Variants in MSI2 observed in about 807,000 individuals in gnomAD.
The protein encoded by MSI2 is musashi RNA binding protein 2.
A neutral mutation model predicts 45.6 loss-of-function variants in MSI2; 17 were observed. That is an observed-to-expected ratio of 0.37 (90% confidence interval 0.26 to 0.56). MSI2 has a LOEUF of 0.56. Among genes scored for constraint, MSI2 ranks in the 20% least tolerant of loss-of-function variants. The probability of loss-of-function intolerance (pLI) is 0.77; values close to 1 mark genes in which losing one functional copy is unlikely to be tolerated. For synonymous variants in MSI2, 156 were observed against 158.2 expected, an observed-to-expected ratio of 0.99 and a Z score of 0.11; for missense variants, 293 against 444.2, an observed-to-expected ratio of 0.66 and a Z score of 3.06.
chr17:57,408,521 TGCG>T (rs1003589026), intron 6 of MSI2, among the ~76,000 whole-genome samples: 2 of 149,308 alleles, frequency 1.3e-5, no homozygotes, highest in African/African-American at 4.9e-5. Flanking sequence ...CTTTTTCTGC[TGCG>T]GCAAGGAGAG....
intron 7 of MSI2, among the ~76,000 whole-genome samples, chr17:57,554,353 A>G (rs2087381836): frequency 6.6e-6 from 1 of 152,118 alleles, no homozygotes; most frequent in Admixed American, 6.6e-5. Flanking sequence ...GTTACTTGCA[A>G]AGTCACCCTC....
At chr17:57,472,470 G>A (rs1384791312) in intron 6 of MSI2, among the ~76,000 whole-genome samples, 2 of 151,160 alleles carry the variant, frequency 1.3e-5, no homozygotes, top group African/African-American at 4.9e-5. Flanking sequence ...AGGGGGAGGG[G>A]CAATGCCTTC....
At chr17:57,301,604 T>C (rs1911426614) in intron 5 of MSI2, among the ~76,000 whole-genome samples, 1 of 152,284 alleles carries the variant, frequency 6.6e-6, no homozygotes, top group Non-Finnish European at 1.5e-5. Flanking sequence ...ATTCATGTGG[T>C]GTTTGTGGCA....
In MSI2 at chr17:57,683,428, G is replaced by A. The variant is rs1196406144; in HGVS notation, c.*3911G>A. 1.3e-5 allele frequency: 3 copies of A among 227,950 alleles called. No homozygotes were observed. Among genetic ancestry groups the A allele is most frequent in the South Asian group, 1.8e-4 (1 of 5,472 alleles). 14.1% of individuals were successfully genotyped at this position (227,950 alleles called of 1,614,324 possible). A position where few individuals can be genotyped will look rare whatever the true frequency, so the allele number is the denominator to read the frequency against. On this transcript the variant is annotated 3_prime_UTR_variant, in exon 14 of 14. Transcript: ENST00000284073. The surrounding 1 kb of genome is among the most constrained non-coding windows in gnomAD (Gnocchi z 5.2). ...ACCTATTTTGATCTTTAGTGCAAAC[G>A]AGGGCTAGGGACTTAGCCTCCTCCA...
At chr17:57,423,547 T>C (rs2143313160) in intron 6 of MSI2, among the ~76,000 whole-genome samples, 1 of 152,328 alleles carries the variant, frequency 6.6e-6, no homozygotes, top group East Asian at 1.9e-4. Flanking sequence ...GTCTGTTGCG[T>C]GGATCACCAT....
At chr17:57,369,953 A>C (rs531093045) in intron 5 of MSI2, among the ~76,000 whole-genome samples, 128 of 152,356 alleles carry the variant, frequency 8.4e-4, no homozygotes, top group African/African-American at 3.0e-3. Flanking sequence ...TTTCTTAACA[A>C]GAATAGAAGA....
At chr17:57,353,924 T>C (rs1325051095) in intron 5 of MSI2, among the ~76,000 whole-genome samples, 3 of 152,114 alleles carry the variant, frequency 2.0e-5, no homozygotes, top group Non-Finnish European at 4.4e-5. Context: ...CTTTCAGGGA[T>C]CAGGATGCAA....
At chr17:57,310,458 C>T (rs1476733251) in intron 5 of MSI2, among the ~76,000 whole-genome samples, 2 of 152,070 alleles carry the variant, frequency 1.3e-5, no homozygotes, top group Admixed American at 6.5e-5. Flanking sequence ...CTCAGCCTCC[C>T]AAGTAGCTGG....
intron 10 of MSI2, among the ~76,000 whole-genome samples, chr17:57,639,110 C>T (rs910443971): frequency 6.6e-6 from 1 of 152,132 alleles, no homozygotes; most frequent in Non-Finnish European, 1.5e-5. Context: ...GAGGACTCCA[C>T]CCTCATGACC....
chr17:57,558,739 TTGTC>T (rs1157482422), intron 7 of MSI2, among the ~76,000 whole-genome samples: 1 of 152,176 alleles, frequency 6.6e-6, no homozygotes, highest in African/African-American at 2.4e-5. Context: ...ACCTCCCAGT[TTGTC>T]TGTTTGCCTC....
At chr17:57,270,201 G>A (rs59530023) in intron 5 of MSI2, among the ~76,000 whole-genome samples, 1,704 of 152,208 alleles carry the variant, frequency 0.011, 33 homozygotes, top group African/African-American at 0.039. Flanking sequence ...ATATGTTATA[G>A]GCATAGTACC....
the MSI2 span, among the ~76,000 whole-genome samples, chr17:57,692,917 T>G: frequency 6.6e-6 from 1 of 151,678 alleles, no homozygotes; most frequent in African/African-American, 2.4e-5. Context: ...TTTTTTCTCT[T>G]TGTTTTGTCT....
chr17:57,535,814 T>G (rs1013927763), intron 7 of MSI2, among the ~76,000 whole-genome samples: 6 of 152,232 alleles, frequency 3.9e-5, no homozygotes, highest in African/African-American at 1.4e-4. Context: ...TGGAGCTTGC[T>G]CAGTCTCTGT....
At chr17:57,328,072 C>T (rs1913957742) in intron 5 of MSI2, among the ~76,000 whole-genome samples, 1 of 152,194 alleles carries the variant, frequency 6.6e-6, no homozygotes, top group Non-Finnish European at 1.5e-5. Flanking sequence ...ATTTCTTTAA[C>T]TATCTGTTTA....
intron 7 of MSI2, among the ~76,000 whole-genome samples, chr17:57,532,883 G>A (rs1327776134): frequency 6.6e-6 from 1 of 152,224 alleles, no homozygotes; most frequent in Non-Finnish European, 1.5e-5. Context: ...GCCCTGTGGG[G>A]CAGCCTGGGG....
chr17:57,446,908 C>T (rs1323411035), intron 6 of MSI2, among the ~76,000 whole-genome samples: 1 of 152,140 alleles, frequency 6.6e-6, no homozygotes, highest in Non-Finnish European at 1.5e-5. Context: ...GGTTGGGGCA[C>T]GCCTTGAAGC....
chr17:57,493,754 C>T (rs944181433), intron 6 of MSI2, among the ~76,000 whole-genome samples: 41 of 151,934 alleles, frequency 2.7e-4, no homozygotes, highest in Non-Finnish European at 5.1e-4. Flanking sequence ...TCTTCAGCTG[C>T]CCAAACCACA....
intron 8 of MSI2, among the ~76,000 whole-genome samples, chr17:57,599,088 G>A (rs180718970): frequency 5.1e-4 from 77 of 152,354 alleles, no homozygotes; most frequent in Admixed American, 8.5e-4. Context: ...GCTGGGCAGT[G>A]GGGAATAGAA....
intron 5 of MSI2, among the ~76,000 whole-genome samples, chr17:57,401,036 G>A (rs745594238): frequency 2.0e-5 from 3 of 152,116 alleles, no homozygotes; most frequent in Non-Finnish European, 4.4e-5. Flanking sequence ...TATGCATTTG[G>A]GTCTGTTTTG....
Sources: allele counts gnomAD v4.1 joint callset (sites outside exome capture counted in the v4.1 genomes callset), GRCh38; gene constraint gnomAD v4.1.1; non-coding constraint Gnocchi (gnomAD v3.1); transcripts MANE v1.5; gene names NCBI Gene and HGNC (gene_info 2026-07-23, HGNC 2026-07-21).